The following PRKCH variants were observed in gnomAD, a reference collection of about 807,000 sequenced individuals.
The protein encoded by PRKCH is protein kinase C eta type.
PRKCH carries 28 observed loss-of-function variants against 82.5 expected under a neutral mutation model. That is an observed-to-expected ratio of 0.34 (90% CI 0.25 to 0.47). The LOEUF (loss-of-function observed/expected upper bound fraction) is 0.47. Among genes scored for constraint, PRKCH ranks in the 20% least tolerant of loss-of-function variants. PRKCH has a pLI of 1.00. For missense variants in PRKCH, 705 were observed against 881.8 expected (o/e 0.80, Z 2.54); for synonymous variants, 322 against 327.4 (o/e 0.98, Z 0.18).
At chr14:61,327,636 C>T (rs530007201) in intron 1 of PRKCH, among the ~76,000 whole-genome samples, 5 of 152,100 alleles carry the variant, frequency 3.3e-5, no homozygotes, top group South Asian at 2.1e-4. Flanking sequence ...TGTTGTCTTT[C>T]GTTGCACTCA....
chr14:61,383,196 A>T (rs566392062), intron 1 of PRKCH, among the ~76,000 whole-genome samples: 1 of 152,080 alleles, frequency 6.6e-6, no homozygotes, highest in Non-Finnish European at 1.5e-5. Context: ...GCCATCTTGG[A>T]GTGCTTTTAT....
chr14:61,379,687 G>A (rs1397982151), intron 1 of PRKCH, among the ~76,000 whole-genome samples: 3 of 152,170 alleles, frequency 2.0e-5, no homozygotes, highest in African/African-American at 7.2e-5. Context: ...TTGTGGGGCC[G>A]ATGACCACTG....
chr14:61,337,888 A>G (rs775747871), intron 1 of PRKCH, among the ~76,000 whole-genome samples: 36 of 152,366 alleles, frequency 2.4e-4, no homozygotes, highest in Non-Finnish European at 4.6e-4. Flanking sequence ...GTACGGCACA[A>G]CAGTGTTTGC....
intron 2 of PRKCH, among the ~76,000 whole-genome samples, chr14:61,437,971 G>T (rs1359836793): frequency 6.6e-6 from 1 of 152,110 alleles, no homozygotes; most frequent in Admixed American, 6.5e-5. Flanking sequence ...CTCTAGGGTA[G>T]TGTGAAGTAA....
chr14:61,236,726 A>AAAAAAAG (rs1566790085), intron 1 of PRKCH, among the ~76,000 whole-genome samples: 8 of 147,036 alleles, frequency 5.4e-5, no homozygotes, highest in East Asian at 2.0e-4. Context: ...AAAAAAAAAA[A>AAAAAAAG]AAAAAGAAAA....
chr14:61,342,963 G>T (rs1284478063), intron 1 of PRKCH, among the ~76,000 whole-genome samples: 1 of 152,250 alleles, frequency 6.6e-6, no homozygotes, highest in Non-Finnish European at 1.5e-5. Context: ...AGCCAAGGAA[G>T]TGTCATCTCT....
intron 10 of PRKCH, among the ~76,000 whole-genome samples, chr14:61,494,736 C>A (rs1886592649): frequency 6.6e-6 from 1 of 152,242 alleles, no homozygotes; most frequent in Non-Finnish European, 1.5e-5. Context: ...AGCAATTATT[C>A]TCAAGACACT....
chr14:61,238,719 T>C (rs1594868046), intron 1 of PRKCH, among the ~76,000 whole-genome samples: 1 of 151,388 alleles, frequency 6.6e-6, no homozygotes, highest in African/African-American at 2.4e-5. Context: ...ATGTCCACCT[T>C]CCTGGAAAGT....
intron 9 of PRKCH, among the ~76,000 whole-genome samples, chr14:61,484,390 C>T (rs966093548): frequency 1.2e-4 from 18 of 149,388 alleles, no homozygotes; most frequent in Non-Finnish European, 8.9e-5. Context: ...ATCCCGGCTC[C>T]GAACTCAGCA....
chr14:61,189,388 C>T (rs1012460926), intron 1 of PRKCH, among the ~76,000 whole-genome samples: 3 of 132,510 alleles, frequency 2.3e-5, no homozygotes, highest in Non-Finnish European at 4.8e-5. Flanking sequence ...TGGAAGTGTG[C>T]CCCGACTCTG....
At chr14:61,387,856 C>T (rs193256305) in intron 1 of PRKCH, among the ~76,000 whole-genome samples, 33 of 152,302 alleles carry the variant, frequency 2.2e-4, no homozygotes, top group Non-Finnish European at 4.3e-4. Context: ...ACTTTGAAAT[C>T]CCTATTGTCC....
At chr14:61,190,750 T>C (rs974769732) in intron 1 of PRKCH, among the ~76,000 whole-genome samples, 2 of 152,128 alleles carry the variant, frequency 1.3e-5, no homozygotes, top group Admixed American at 1.3e-4. Flanking sequence ...GCACTCACTG[T>C]TCCTGGCCTG....
At chr14:61,351,010 A>C (rs2046066992) in intron 1 of PRKCH, among the ~76,000 whole-genome samples, 1 of 152,196 alleles carries the variant, frequency 6.6e-6, no homozygotes, top group Non-Finnish European at 1.5e-5. Flanking sequence ...ATGAAGCACC[A>C]CTTACTTTAC....
intron 10 of PRKCH, among the ~76,000 whole-genome samples, chr14:61,502,850 CCT>C (rs1182106344): frequency 1.3e-5 from 2 of 152,060 alleles, no homozygotes; most frequent in African/African-American, 4.8e-5. Flanking sequence ...TTTTAACACT[CCT>C]TTGACAAAGA....
chr14:61,399,025 T>G (rs570704259), intron 2 of PRKCH, among the ~76,000 whole-genome samples: 42 of 152,334 alleles, frequency 2.8e-4, no homozygotes, highest in African/African-American at 9.9e-4. Context: ...GTATTGTGGT[T>G]ACTTAAAACA....
In PRKCH at chr14:61,439,178, G is replaced by C. The variant is rs530459872; in HGVS notation, c.428-3933G>C. On this transcript the variant is annotated intron_variant, in intron 2 of 13. Transcript: ENST00000332981. ...GATTTAAGCACCATAGTATTCAATA[G>C]GGTTTTTTTTTAGTCCTTTTAACTC... Among the ~76,000 whole-genome samples, 7 of 152,226 alleles carry C rather than the reference G, an allele frequency of 4.6e-5. No homozygotes were observed. In the East Asian group the frequency reaches 1.2e-3, roughly 25 times the overall value.
Position 61,490,375 on chromosome 14 carries a change from A to G in PRKCH, c.1433+4719A>G, listed in dbSNP as rs1386247065. Among the ~76,000 whole-genome samples, 3 of 152,236 alleles carry G rather than the reference A, an allele frequency of 2.0e-5. No homozygotes were observed. The East Asian group carries it at 5.8e-4, about 29-fold the overall frequency. ...TTTTAAAAATTCAGAATTTGGGAAGAGTAGCAATCTCACTCGCAAGATTAA... is the reference window on the plus strand; with the variant it reads ...TTTTAAAAATTCAGAATTTGGGAAGGGTAGCAATCTCACTCGCAAGATTAA... On this transcript the variant is annotated intron_variant, in intron 10 of 13. Coordinates refer to ENST00000332981, the MANE Select transcript of PRKCH (RefSeq NM_006255.5).
At chr14:61,231,082 T>G (rs1214808133) in intron 1 of PRKCH, among the ~76,000 whole-genome samples, 1 of 152,214 alleles carries the variant, frequency 6.6e-6, no homozygotes, top group East Asian at 1.9e-4. Flanking sequence ...TTGTTTACTG[T>G]GGTTAAGAAA....
intron 1 of PRKCH, among the ~76,000 whole-genome samples, chr14:61,345,313 G>A (rs1246843085): frequency 6.6e-6 from 1 of 152,174 alleles, no homozygotes; most frequent in Non-Finnish European, 1.5e-5. Flanking sequence ...TCCAGACTAT[G>A]TAGGTTTTAG....
Sources: allele counts gnomAD v4.1 joint callset (sites outside exome capture counted in the v4.1 genomes callset), GRCh38; gene constraint gnomAD v4.1.1; transcripts MANE v1.5; gene names NCBI Gene and HGNC (gene_info 2026-07-23, HGNC 2026-07-21).